FAP: variants seen among roughly 807,000 people sequenced by gnomAD.
FAP encodes prolyl endopeptidase FAP.
A neutral mutation model predicts 126.5 loss-of-function variants in FAP; 110 were observed. The observed-to-expected ratio is 0.87, with a 90% CI of 0.74 to 1.02. The LOEUF (loss-of-function observed/expected upper bound fraction) is 1.02, where lower values mean the gene tolerates loss of function less well. Ranked by LOEUF, FAP falls within the 50% of genes least tolerant of loss-of-function variation. FAP has a pLI of 0.00. For synonymous variants in FAP, 334 were observed against 297.3 expected (o/e 1.12, Z -1.27); for missense variants, 919 against 909.2 (o/e 1.01, Z -0.14).
At chr2:162,187,761 T>C (rs1354577167) in intron 20 of FAP, among the ~76,000 whole-genome samples, 1 of 152,092 alleles carries the variant, frequency 6.6e-6, no homozygotes, top group Non-Finnish European at 1.5e-5. Flanking sequence ...AAGTATGTAG[T>C]GCTGATAAAA....
intron 22 of FAP, 109 bp from the exon 23 acceptor site, chr2:162,173,896 T>G (rs540710226): frequency 1.3e-6 from 1 of 784,270 alleles, no homozygotes; most frequent in East Asian, 2.5e-5. Context: ...CATCTTGAGC[T>G]CTTGAGGTAA....
rs1333680756 is a variant in FAP, at chr2:162,213,985, A to G, written c.955T>C (p.Ser319Pro). 13 of 1,614,128 alleles carry G rather than the reference A, an allele frequency of 8.1e-6. No homozygotes were observed. Among genetic ancestry groups the G allele is most frequent in the Non-Finnish European group, 1.1e-5 (13 of 1,179,996 alleles). The change falls in exon 11 of 26, where the codon TCT becomes CCT. Residue 319 changes from serine to proline, a missense_variant. Transcript: ENST00000188790. The stretch of plus-strand genomic sequence containing the variant: ...CAGTCTTCCCTGAAGTCACATATAG[A>G]CAGGACCGAAACATTCTGGACTCTT... ...LKRVQNVSVL[S>P]ICDFREDWQT...
At chr2:162,226,216 C>A (rs1689639812) in intron 3 of FAP, among the ~76,000 whole-genome samples, 1 of 152,100 alleles carries the variant, frequency 6.6e-6, no homozygotes, top group African/African-American at 2.4e-5. Flanking sequence ...ATTTTTGTGA[C>A]TTCTCCTAAA....
At position 162,209,259 on chromosome 2, in the gene FAP, G is replaced by A. The variant is rs113374112; in HGVS notation, c.1047+693C>T. On this transcript the variant is annotated intron_variant, in intron 12 of 25. Coordinates refer to ENST00000188790, the MANE Select transcript of FAP (RefSeq NM_004460.5). ...TCAAATACTAATTGAATTGAATTATGTGTTTGTGGTAAGTGGCAGCATCTA... is the reference window on the plus strand; with the variant it reads ...TCAAATACTAATTGAATTGAATTATATGTTTGTGGTAAGTGGCAGCATCTA... Among the ~76,000 whole-genome samples the A allele has an allele frequency of 1.3e-3, 192 of 152,116 alleles. 2 individuals carry two copies. The highest frequency in any genetic ancestry group is 4.2e-3 in the African/African-American group (176 of 41,526).
At chr2:162,199,329 T>G (rs928290788) in intron 15 of FAP, among the ~76,000 whole-genome samples, 4 of 152,170 alleles carry the variant, frequency 2.6e-5, no homozygotes, top group Non-Finnish European at 5.9e-5. Context: ...ATGGGGAAAT[T>G]AATAATAAGC....
intron 9 of FAP, among the ~76,000 whole-genome samples, chr2:162,217,338 AT>A (rs1470761839): frequency 6.6e-6 from 1 of 152,162 alleles, no homozygotes; most frequent in African/African-American, 2.4e-5. Context: ...TTCTGATATC[AT>A]TTTTACATTG....
intron 17 of FAP, among the ~76,000 whole-genome samples, chr2:162,191,387 C>T (rs907605046): frequency 5.3e-5 from 8 of 152,062 alleles, no homozygotes; most frequent in African/African-American, 1.9e-4. Context: ...CAAACAGAAT[C>T]TCACAGGGGG....
chr2:162,238,013 T>A (rs1198492468), intron 2 of FAP, among the ~76,000 whole-genome samples: 2 of 152,150 alleles, frequency 1.3e-5, no homozygotes, highest in African/African-American at 4.8e-5. Flanking sequence ...GAAATGTCTG[T>A]TCATGTCGTT....
chr2:162,188,117 T>C (rs1232391973), intron 20 of FAP, 52 bp downstream of exon 20: 2 of 1,403,426 alleles, frequency 1.4e-6, no homozygotes, highest in African/African-American at 2.8e-5. Context: ...ACAATAGTGA[T>C]TGCATGACTT....
At position 162,197,527 on chromosome 2, in the gene FAP, G is replaced by C. The variant is rs976387261; in HGVS notation, c.1402+1230C>G. 8.8e-5 allele frequency: 40 copies of C among 456,414 alleles called. No individual in the cohort carries two copies. The Admixed American group carries it at 9.4e-4, about 11-fold the overall frequency. 28.3% of individuals were successfully genotyped at this position (456,414 alleles called of 1,614,324 possible). A position where few individuals can be genotyped will look rare whatever the true frequency, so the allele number is the denominator to read the frequency against. ...AACAATCTCTTGACATTTCAAAGAT[G>C]CCATTGACCAAACATTTTATGAAAG... On this transcript the variant is annotated intron_variant, in intron 16 of 25. Transcript: ENST00000188790.
intron 2 of FAP, among the ~76,000 whole-genome samples, chr2:162,227,316 A>G (rs1482988261): frequency 6.6e-6 from 1 of 152,146 alleles, no homozygotes; most frequent in Non-Finnish European, 1.5e-5. Flanking sequence ...AACTAATCTA[A>G]TGCAGCTCAC....
At chr2:162,217,958 A>C in intron 9 of FAP, 28 bp downstream of exon 9, 3 of 1,511,002 alleles carry the variant, frequency 2.0e-6, no homozygotes, top group Non-Finnish European at 2.7e-6. Flanking sequence ...CAGGAAAATG[A>C]AAGCATCGCT....
At chr2:162,197,482 C>T in intron 16 of FAP, 2 of 447,176 alleles carry the variant, frequency 4.5e-6, no homozygotes, top group South Asian at 3.2e-5. Flanking sequence ...TAACCACAAT[C>T]AGCACATATG....
At chr2:162,211,281 A>G (rs1688923046) in intron 11 of FAP, among the ~76,000 whole-genome samples, 1 of 152,130 alleles carries the variant, frequency 6.6e-6, no homozygotes, top group Non-Finnish European at 1.5e-5. Context: ...CCGAATGACT[A>G]TATGAAGCAG....
At chr2:162,187,938 GTATT>G (rs1279849417) in intron 20 of FAP, among the ~76,000 whole-genome samples, 1 of 151,994 alleles carries the variant, frequency 6.6e-6, no homozygotes, top group Non-Finnish European at 1.5e-5. Context: ...TCAAAAGAGG[GTATT>G]TGTCATTTAG....
intron 2 of FAP, among the ~76,000 whole-genome samples, chr2:162,239,239 G>A (rs541171898): frequency 1.1e-3 from 172 of 151,794 alleles, no homozygotes; most frequent in African/African-American, 3.9e-3. Flanking sequence ...GTTTCGCCAT[G>A]TTGCCCAGCC....
intron 2 of FAP, among the ~76,000 whole-genome samples, chr2:162,231,475 T>C (rs1689898826): frequency 6.6e-6 from 1 of 152,210 alleles, no homozygotes; most frequent in African/African-American, 2.4e-5. Flanking sequence ...CTCCTCTGTA[T>C]ATGTTAACAC....
Position 162,226,578 on chromosome 2 carries a change from C to T in FAP, c.135G>A (p.Lys45=), listed in dbSNP as rs1689660357. The T allele has an allele frequency of 6.3e-7, 1 of 1,599,454 alleles. No homozygotes were observed. The highest frequency in any genetic ancestry group is 1.7e-5 in the Admixed American group (1 of 58,716). Residue 45 remains lysine (K), a synonymous_variant, in exon 3 of 26, where the codon AAG becomes AAA. Transcript: ENST00000188790. ...EENTMRALTL[K]DILNGTFSYK... ...AAGAAAATGTTCCATTTAAAATATC[C>T]TTCAGTGTGAGTGCTCTCATTGTAT... is the stretch of plus-strand genomic sequence containing the variant.
chr2:162,183,576 C>T lies in FAP; in HGVS notation c.1815-108G>A, dbSNP rs548384443. 488 of 706,536 alleles carry T rather than the reference C, an allele frequency of 6.9e-4. 1 individual carries two copies. The African/African-American group carries it at 7.9e-3, about 11-fold the overall frequency. 43.8% of individuals were successfully genotyped at this position (706,536 alleles called of 1,614,324 possible). Reference sequence around the variant, plus strand: ...AGATTTAATAGAAACGCTACATTTTCTTTGTTTAAACACATGCATAATAAG... The same window carrying T: ...AGATTTAATAGAAACGCTACATTTTTTTTGTTTAAACACATGCATAATAAG... On this transcript the variant is annotated intron_variant, in intron 20 of 25. Coordinates refer to ENST00000188790, the MANE Select transcript of FAP (RefSeq NM_004460.5).
Sources: gnomAD v4.1 joint callset for allele counts (sites outside exome capture counted in the v4.1 genomes callset) on GRCh38, gnomAD v4.1.1 for gene constraint, MANE v1.5 for transcripts, NCBI Gene and HGNC (gene_info 2026-07-23, HGNC 2026-07-21) for gene names.